Variants in IL1RAPL1 observed in about 807,000 individuals in gnomAD.
IL1RAPL1 encodes interleukin-1 receptor accessory protein-like 1.
In IL1RAPL1, 3 loss-of-function variants were observed where a neutral mutation model predicts 48.4. The ratio of observed to expected loss-of-function variants is 0.06; its 90% confidence interval spans 0.03 to 0.16. The LOEUF is 0.16. Ranked by LOEUF, IL1RAPL1 falls within the 10% of genes least tolerant of loss-of-function variation. IL1RAPL1 has a pLI of 1.00. For missense variants in IL1RAPL1, 349 were observed against 530.6 expected, an observed-to-expected ratio of 0.66 and a Z score of 3.36; for synonymous variants, 185 against 187.7, an observed-to-expected ratio of 0.99 and a Z score of 0.12.
intron 1 of IL1RAPL1, among the ~76,000 whole-genome samples, chrX:28,738,875 A>G (rs1247055546): frequency 9.0e-6 from 1 of 111,155 alleles, no homozygotes; most frequent in African/African-American, 3.3e-5. Flanking sequence ...CTCATTTCTG[A>G]CCAGGAGTGT....
chrX:29,388,596 A>T (rs1933815093), intron 3 of IL1RAPL1, among the ~76,000 whole-genome samples: 1 of 112,494 alleles, frequency 8.9e-6, no homozygotes. Flanking sequence ...ATGTTCAGCC[A>T]AAAGAAAGGA....
intron 2 of IL1RAPL1, among the ~76,000 whole-genome samples, chrX:28,871,055 T>C (rs1601939010): frequency 8.9e-6 from 1 of 111,825 alleles, no homozygotes; most frequent in South Asian, 3.7e-4. Context: ...TAATTATTAA[T>C]AGCATATTAA....
At chrX:29,244,282 G>T (rs778012198) in intron 2 of IL1RAPL1, among the ~76,000 whole-genome samples, 1 of 112,224 alleles carries the variant, frequency 8.9e-6, no homozygotes, top group African/African-American at 3.2e-5. Flanking sequence ...CACAGAAAGA[G>T]AAATAAATTA....
chrX:29,580,660 C>T (rs1446399917), intron 5 of IL1RAPL1, among the ~76,000 whole-genome samples: 1 of 111,597 alleles, frequency 9.0e-6, no homozygotes. Flanking sequence ...GAGTCTCGGT[C>T]TGTGTCATAT....
At chrX:29,129,846 G>C (rs775811883) in intron 2 of IL1RAPL1, among the ~76,000 whole-genome samples, 1 of 110,366 alleles carries the variant, frequency 9.1e-6, no homozygotes, top group South Asian at 3.8e-4. Context: ...CGCCCGCCTC[G>C]GCCTCCCAAA....
At chrX:29,602,614 G>T in intron 5 of IL1RAPL1, among the ~76,000 whole-genome samples, 1 of 112,039 alleles carries the variant, frequency 8.9e-6, no homozygotes, top group Admixed American at 9.4e-5. Context: ...TTTTAATTTT[G>T]CCTTTCTCAA....
chrX:29,684,590 C>A (rs1387221850), intron 6 of IL1RAPL1, among the ~76,000 whole-genome samples: 1 of 111,551 alleles, frequency 9.0e-6, no homozygotes. Context: ...ATCTTTGCCT[C>A]CTATTTTCTC....
chrX:28,897,018 A>C (rs1211166712), intron 2 of IL1RAPL1, among the ~76,000 whole-genome samples: 2 of 110,874 alleles, frequency 1.8e-5, no homozygotes, highest in Non-Finnish European at 3.8e-5. Flanking sequence ...TTAGGTTTTA[A>C]GTCAGGTGTG....
chrX:29,429,894 GGT>G (rs1556011349), intron 5 of IL1RAPL1, among the ~76,000 whole-genome samples: 1,235 of 85,035 alleles, frequency 0.015, 10 homozygotes, highest in African/African-American at 0.036. Context: ...GTGTGTGTGT[GGT>G]GTGTGTGTGT....
At chrX:29,140,924 T>C (rs778355194) in intron 2 of IL1RAPL1, among the ~76,000 whole-genome samples, 2 of 111,284 alleles carry the variant, frequency 1.8e-5, no homozygotes, top group Non-Finnish European at 3.8e-5. Context: ...TTTCAACATA[T>C]GAGTTTTGAG....
At chrX:29,205,144 T>G (rs1485922644) in intron 2 of IL1RAPL1, among the ~76,000 whole-genome samples, 1 of 111,520 alleles carries the variant, frequency 9.0e-6, no homozygotes, top group Non-Finnish European at 1.9e-5. Context: ...GCAGTTCCCA[T>G]AGACCAAGGT....
rs1354493270 is a variant in IL1RAPL1 at position 28,720,855 on chromosome X, G to T, written c.-24-68465G>T. ...TATGAGTGAGAACATGTGGTGTTTG[G>T]TTTTTTGTCCTTGAGATAGTTTGCT... is the stretch of plus-strand genomic sequence containing the variant. On this transcript the variant is annotated intron_variant, in intron 1 of 10. Coordinates refer to ENST00000378993, the MANE Select transcript of IL1RAPL1 (RefSeq NM_014271.4). Among the ~76,000 whole-genome samples, 7 of 111,558 alleles carry T rather than the reference G, an allele frequency of 6.3e-5. No homozygotes were observed. In the East Asian group the frequency reaches 2.0e-3, roughly 32 times the overall value.
At chrX:29,711,043 G>GGTGTGTGTGTGTGTGT (rs768108356) in intron 6 of IL1RAPL1, among the ~76,000 whole-genome samples, 3 of 69,157 alleles carry the variant, frequency 4.3e-5, no homozygotes, top group Non-Finnish European at 8.5e-5. Context: ...CCATGAGCAT[G>GGTGTGTGTGTGTGTGT]GTGTGTGTGT....
intron 2 of IL1RAPL1, among the ~76,000 whole-genome samples, chrX:29,197,507 CTCTA>C (rs1274659498): frequency 2.7e-5 from 3 of 111,720 alleles, no homozygotes; most frequent in Non-Finnish European, 5.6e-5. Context: ...TCTCTGCATT[CTCTA>C]TGCCTATACT....
intron 3 of IL1RAPL1, among the ~76,000 whole-genome samples, chrX:29,301,902 G>A (rs1932541614): frequency 9.0e-6 from 1 of 110,953 alleles, no homozygotes; most frequent in South Asian, 3.8e-4. Flanking sequence ...AAATTGAAAG[G>A]GCATGTTATT....
intron 2 of IL1RAPL1, among the ~76,000 whole-genome samples, chrX:28,980,318 A>G (rs758123665): frequency 4.4e-5 from 5 of 112,568 alleles, no homozygotes; most frequent in African/African-American, 6.5e-5. Flanking sequence ...TGATTAAGCT[A>G]GATCATATTC....
In IL1RAPL1 at chrX:29,417,103, A is replaced by T. The variant is rs191559218; in HGVS notation, c.703+17795A>T. Among the ~76,000 whole-genome samples the T allele has an allele frequency of 6.7e-4, 75 of 111,942 alleles. No individual in the cohort carries two copies. In the Admixed American group the frequency reaches 7.1e-3, roughly 11 times the overall value. ...GAGCTTCTATTACTCTTACACTATGAAAAGGTCCACTAATTATATCCCAGG... is the reference window on the plus strand; with the variant it reads ...GAGCTTCTATTACTCTTACACTATGTAAAGGTCCACTAATTATATCCCAGG... On this transcript the variant is annotated intron_variant, in intron 5 of 10. Transcript: ENST00000378993.
intron 2 of IL1RAPL1, among the ~76,000 whole-genome samples, chrX:28,826,611 A>G (rs1428155805): frequency 1.8e-5 from 2 of 111,252 alleles, no homozygotes; most frequent in Non-Finnish European, 3.8e-5. Flanking sequence ...GATTTTTGTG[A>G]TTCTCTGGCA....
intron 5 of IL1RAPL1, among the ~76,000 whole-genome samples, chrX:29,600,608 G>A (rs1452425207): frequency 1.8e-5 from 2 of 111,321 alleles, no homozygotes; most frequent in Non-Finnish European, 3.8e-5. Flanking sequence ...TTTTCAGGCG[G>A]TGGGCAGGGC....
Sources: gnomAD v4.1 joint callset for allele counts (sites outside exome capture counted in the v4.1 genomes callset) on GRCh38, gnomAD v4.1.1 for gene constraint, MANE v1.5 for transcripts, NCBI Gene and HGNC (gene_info 2026-07-23, HGNC 2026-07-21) for gene names.